The following CELF5 variants were observed in gnomAD, a reference collection of about 807,000 sequenced individuals.
CELF5 encodes CUGBP Elav-like family member 5.
A neutral mutation model predicts 54.9 loss-of-function variants in CELF5; 6 were observed. The ratio of observed to expected loss-of-function variants is 0.11; its 90% CI spans 0.06 to 0.22. The LOEUF (loss-of-function observed/expected upper bound fraction) is 0.22. CELF5 is among the 10% of genes least tolerant of loss of function. The pLI is 1.00. For missense variants in CELF5, 401 were observed against 678.6 expected, an observed-to-expected ratio of 0.59 and a Z score of 4.54; for synonymous variants, 271 against 290.9, an observed-to-expected ratio of 0.93 and a Z score of 0.70.
rs929086456 is a variant in CELF5, at chr19:3,261,419, G to GA, written c.342+10363dup. 6.7e-3 allele frequency among the ~76,000 whole-genome samples: 926 copies of GA among 138,202 alleles called. 9 individuals carry two copies. Among genetic ancestry groups the GA allele is most frequent in the African/African-American group, 0.018 (665 of 37,738 alleles). The allele number at this position is 138,202 out of a possible 152,430, so 90.7% of individuals were successfully genotyped here. Reference sequence around the variant, plus strand: ...GGCGACAGAGCAAGACTCCATCTCAGAAAAAAAAAAAGAAATTAAATGTCC... The same window carrying GA: ...GGCGACAGAGCAAGACTCCATCTCAGAAAAAAAAAAAAGAAATTAAATGTCC... On this transcript the variant is annotated intron_variant, in intron 2 of 12. Coordinates refer to ENST00000292672, the MANE Select transcript of CELF5 (RefSeq NM_021938.4).
intron 10 of CELF5, among the ~76,000 whole-genome samples, chr19:3,287,689 G>T (rs906400915): frequency 2.0e-5 from 3 of 152,118 alleles, no homozygotes; most frequent in Non-Finnish European, 4.4e-5. Flanking sequence ...GGAGGTCAAG[G>T]CTGCACTGAG....
chr19:3,270,250 A>G (rs1415339073), intron 2 of CELF5, among the ~76,000 whole-genome samples: 1 of 152,076 alleles, frequency 6.6e-6, no homozygotes, highest in Non-Finnish European at 1.5e-5. Context: ...GGGCCCCAGA[A>G]CCAGAGAGTC....
In CELF5 at chr19:3,281,588, G is replaced by A. The variant is rs7257762; in HGVS notation, c.750+243G>A. ...GCCCCAGAACCTGGCTATGCTCCAC[G>A]TCTAAATTAGGCCCAATTCTGGCTG... On this transcript the variant is annotated intron_variant, in intron 6 of 12. Transcript: ENST00000292672. The surrounding 1 kb of genome is among the most constrained non-coding windows in gnomAD (Gnocchi z 6.5). 0.54 allele frequency among the ~76,000 whole-genome samples: 81,557 copies of A among 151,870 alleles called. 23,156 individuals carry two copies. Among genetic ancestry groups the A allele is most frequent in the Middle Eastern group, 0.69 (203 of 294 alleles).
chr19:3,267,089 ATG>A (rs72295446), intron 2 of CELF5, among the ~76,000 whole-genome samples: 234 of 147,050 alleles, frequency 1.6e-3, no homozygotes, highest in African/African-American at 5.1e-3. Context: ...GCGTGTGTGC[ATG>A]TGTGTGTGTG....
At position 3,281,472 on chromosome 19, in the gene CELF5, C is replaced by A; in HGVS notation, c.750+127C>A. 2 of 1,062,498 alleles carry A rather than the reference C, an allele frequency of 1.9e-6. No homozygotes were observed. Among genetic ancestry groups the A allele is most frequent in the East Asian group, 2.4e-5 (1 of 41,110 alleles). 65.8% of individuals were successfully genotyped at this position (1,062,498 alleles called of 1,614,324 possible). A position where few individuals can be genotyped will look rare whatever the true frequency, so the allele number is the denominator to read the frequency against. On this transcript the variant is annotated intron_variant, in intron 6 of 12. Transcript: ENST00000292672. This position sits in a 1 kb window ranked among gnomAD's most constrained non-coding sequence, Gnocchi z 6.5. ...GGGTCCTCTCCTGGCGTGGCTGAAC[C>A]CCAACTCCAAATTGAGACCAAGCTC...
chr19:3,240,070 G>C (rs180847882), intron 1 of CELF5, among the ~76,000 whole-genome samples: 3 of 151,390 alleles, frequency 2.0e-5, no homozygotes, highest in Admixed American at 2.0e-4. Context: ...GCGCAGTGGC[G>C]AGATCTCGGC....
At chr19:3,250,612 C>T (rs947976208) in intron 1 of CELF5, among the ~76,000 whole-genome samples, 2 of 152,156 alleles carry the variant, frequency 1.3e-5, no homozygotes, top group Non-Finnish European at 2.9e-5. Flanking sequence ...AAACTCTGTC[C>T]CCATGATACA....
chr19:3,293,239 G>T, intron 11 of CELF5, 80 bp from the exon 12 acceptor site: 1 of 1,575,798 alleles, frequency 6.3e-7, no homozygotes, highest in South Asian at 1.2e-5. Context: ...CCCGTGAGCC[G>T]GGAAGCCAGG....
chr19:3,260,124 T>C (rs376009835), intron 2 of CELF5, among the ~76,000 whole-genome samples: 17 of 152,330 alleles, frequency 1.1e-4, no homozygotes, highest in African/African-American at 4.1e-4. Flanking sequence ...ATTTTTCTTT[T>C]TTTATTTATT....
At chr19:3,251,499 G>A (rs2079646946) in intron 2 of CELF5, among the ~76,000 whole-genome samples, 1 of 152,102 alleles carries the variant, frequency 6.6e-6, no homozygotes, top group Non-Finnish European at 1.5e-5. Context: ...AGGCGGGAAG[G>A]GCAGGGGAGG....
chr19:3,264,758 C>G (rs2079858510), intron 2 of CELF5, among the ~76,000 whole-genome samples: 1 of 150,746 alleles, frequency 6.6e-6, no homozygotes, highest in African/African-American at 2.4e-5. Flanking sequence ...ACTCTGTCAC[C>G]CAGGCCAGAG....
At chr19:3,253,225 T>G (rs2079675233) in intron 2 of CELF5, among the ~76,000 whole-genome samples, 1 of 152,148 alleles carries the variant, frequency 6.6e-6, no homozygotes, top group Non-Finnish European at 1.5e-5. Flanking sequence ...AGGGACCATA[T>G]TAGTTATTTA....
intron 1 of CELF5, among the ~76,000 whole-genome samples, chr19:3,230,750 C>G (rs1162397792): frequency 2.0e-5 from 3 of 152,234 alleles, no homozygotes. Flanking sequence ...AAAATATGCT[C>G]GTTTCCTTCA....
At position 3,228,534 on chromosome 19, in the gene CELF5, T is replaced by G. The variant is rs1427039855; in HGVS notation, c.259+3536T>G. On this transcript the variant is annotated intron_variant, in intron 1 of 12. Transcript: ENST00000292672. This position sits in a 1 kb window ranked among gnomAD's most constrained non-coding sequence, Gnocchi z 6.0. The stretch of plus-strand genomic sequence containing the variant: ...TCCGCCGCTGCCACTGGGCCCCCCG[T>G]TTATGGTAATCGCATATACATTTGC... 6.6e-6 allele frequency among the ~76,000 whole-genome samples: 1 copy of G among 151,786 alleles called. No homozygotes were observed. Among genetic ancestry groups the G allele is most frequent in the Non-Finnish European group, 1.5e-5 (1 of 67,902 alleles).
rs978780928 is a variant in CELF5, at chr19:3,268,037, CGCCCAGGCTGGAGT to C, written c.343-5832_343-5819del. 1.3e-5 allele frequency among the ~76,000 whole-genome samples: 2 copies of C among 152,048 alleles called. No homozygotes were observed. The highest frequency in any genetic ancestry group is 2.4e-5 in the African/African-American group (1 of 41,384). ...TTTTTGAGATGGAGTCTCGCTCTGTCGCCCAGGCTGGAGTGCAGTGATTTGATCTCAGCTCACTG... is the reference window on the plus strand; with the variant it reads ...TTTTTGAGATGGAGTCTCGCTCTGTCGCAGTGATTTGATCTCAGCTCACTG... On this transcript the variant is annotated intron_variant, in intron 2 of 12. Coordinates refer to ENST00000292672, the MANE Select transcript of CELF5 (RefSeq NM_021938.4). The surrounding 1 kb of genome is among the most constrained non-coding windows in gnomAD (Gnocchi z 4.4).
chr19:3,234,008 T>C (rs1917399713), intron 1 of CELF5, among the ~76,000 whole-genome samples: 2 of 152,150 alleles, frequency 1.3e-5, no homozygotes, highest in Non-Finnish European at 1.5e-5. Flanking sequence ...CTCAGTGCCC[T>C]CCCATTCTCC....
At chr19:3,272,498 G>A (rs1360514370) in intron 2 of CELF5, among the ~76,000 whole-genome samples, 1 of 152,228 alleles carries the variant, frequency 6.6e-6, no homozygotes, top group Non-Finnish European at 1.5e-5. Flanking sequence ...CAGGGGATGT[G>A]GGAATCTATT....
intron 1 of CELF5, among the ~76,000 whole-genome samples, chr19:3,245,179 C>CGT (rs1292392840): frequency 8.0e-6 from 1 of 124,418 alleles, no homozygotes; most frequent in Non-Finnish European, 1.7e-5. Context: ...TGTGTCTTTG[C>CGT]GTGTGTGTGT....
At chr19:3,232,379 A>G (rs955571650) in intron 1 of CELF5, among the ~76,000 whole-genome samples, 2 of 151,562 alleles carry the variant, frequency 1.3e-5, no homozygotes, top group South Asian at 4.2e-4. Flanking sequence ...ACACAGCTCT[A>G]CAAAAAATAA....
Sources: allele counts gnomAD v4.1 joint callset (sites outside exome capture counted in the v4.1 genomes callset), GRCh38; gene constraint gnomAD v4.1.1; non-coding constraint Gnocchi (gnomAD v3.1); transcripts MANE v1.5; gene names NCBI Gene and HGNC (gene_info 2026-07-23, HGNC 2026-07-21).